Variants in PCDHB8 observed in about 807,000 individuals in gnomAD.
PCDHB8 encodes protocadherin beta 8, also known as protocadherin beta-8.
For missense variants in PCDHB8, 836 were observed against 1,004.0 expected (o/e 0.83, Z 2.26); for synonymous variants, 385 against 448.5 (o/e 0.86, Z 1.79).
In PCDHB8 at chr5:141,178,947, A is replaced by G. The variant is rs3733694; in HGVS notation, c.913A>G (p.Lys305Glu). 0.15 allele frequency: 238,617 copies of G among 1,578,312 alleles called. 21,708 individuals carry two copies. Among genetic ancestry groups the G allele is most frequent in the Middle Eastern group, 0.19 (1,145 of 5,966 alleles). The change falls in exon 1 of 1, where the codon AAG becomes GAG. Residue 305 changes from lysine (K) to glutamate (E), a missense_variant. Physicochemically the swap from Lys to Glu is moderately conservative, Grantham distance 56 (BLOSUM62 1). Transcript: ENST00000239444. ...TTTCTTGACAGGAGAAATTCGACTA[A>G]AGAAACAACTTGATTTCGAAAAATT... is the stretch of plus-strand genomic sequence containing the variant. The part of the protein sequence containing the change: ...VDFLTGEIRL[K>E]KQLDFEKFQS...
In PCDHB8 at chr5:141,178,990, A is replaced by G; in HGVS notation, c.956A>G (p.Asn319Ser). 6.2e-7 allele frequency: 1 copy of G among 1,614,240 alleles called. No homozygotes were observed. The highest frequency in any genetic ancestry group is 8.5e-7 in the Non-Finnish European group (1 of 1,180,046). Residue 319 changes from asparagine (N) to serine (S), a missense_variant, in exon 1 of 1, where the codon AAT becomes AGT. Physicochemically the swap from Asn to Ser is conservative, Grantham distance 46. Coordinates refer to ENST00000239444, the MANE Select transcript of PCDHB8 (RefSeq NM_019120.5). ...GAAAAATTTCAGTCCTATGAAGTCA[A>G]TATCGAGGCGAGAGATGCTGGAGGC... is the stretch of plus-strand genomic sequence containing the variant. ...DFEKFQSYEV[N>S]IEARDAGGFS...
Position 141,178,633 on chromosome 5 carries a change from C to T in PCDHB8, c.599C>T (p.Ala200Val), listed in dbSNP as rs782089048. 6.2e-7 allele frequency: 1 copy of T among 1,613,280 alleles called. No individual in the cohort carries two copies. The highest frequency in any genetic ancestry group is 2.2e-5 in the East Asian group (1 of 44,776). The change falls in exon 1 of 1, where the codon GCG becomes GTG. Residue 200 changes from alanine to valine, a missense_variant. Coordinates refer to ENST00000239444, the MANE Select transcript of PCDHB8 (RefSeq NM_019120.5). ...TACCCAGAGCTGGTGCTGGACAAAG[C>T]GCTGGACCGAGAGGAAGAAGCTGAG... ...RKYPELVLDK[A>V]LDREEEAELR...
chr5:141,179,199 G>T lies in PCDHB8; in HGVS notation c.1165G>T (p.Asp389Tyr). Reference protein sequence around the residue: ...NGKISCSIQEDLPFLLKSSVG... With the variant: ...NGKISCSIQEYLPFLLKSSVG... ...GAAAATAAGTTGCTCCATTCAGGAG[G>T]ATCTACCCTTCCTCCTGAAATCTTC... is the stretch of plus-strand genomic sequence containing the variant. The change falls in exon 1 of 1, where the codon GAT becomes TAT. Residue 389 changes from aspartate (D) to tyrosine (Y), a missense_variant. By Grantham distance (160) the Asp-to-Tyr change is radical (BLOSUM62 -3). Transcript: ENST00000239444. 1 of 1,614,154 alleles carries T rather than the reference G, an allele frequency of 6.2e-7. No homozygotes were observed. The highest frequency in any genetic ancestry group is 8.5e-7 in the Non-Finnish European group (1 of 1,180,052).
At position 141,180,019 on chromosome 5, in the gene PCDHB8, T is replaced by C; in HGVS notation, c.1985T>C (p.Leu662Pro). 6.2e-7 allele frequency: 1 copy of C among 1,609,118 alleles called. No homozygotes were observed. The highest frequency in any genetic ancestry group is 8.5e-7 in the Non-Finnish European group (1 of 1,179,754). The stretch of plus-strand genomic sequence containing the variant: ...TCGGCCACCGCCACGCTGCACGTGC[T>C]CCTGGTGGACGGCTTCTCCCAGCCC... ...PCSATATLHVLLVDGFSQPYL... is the reference protein window; with the variant it reads ...PCSATATLHVPLVDGFSQPYL... Residue 662 changes from leucine (L) to proline (P), a missense_variant, in exon 1 of 1, where the codon CTC becomes CCC. Leu to Pro is a moderately conservative substitution (Grantham distance 98). Coordinates refer to ENST00000239444, the MANE Select transcript of PCDHB8 (RefSeq NM_019120.5).
Position 141,179,966 on chromosome 5 carries a change from G to A in PCDHB8, c.1932G>A (p.Leu644=). 1 of 1,608,682 alleles carries A rather than the reference G, an allele frequency of 6.2e-7. No homozygotes were observed. The highest frequency in any genetic ancestry group is 8.5e-7 in the Non-Finnish European group (1 of 1,179,616). The stretch of plus-strand genomic sequence containing the variant: ...CGGCCAAGCAGAGGCTGGTGGTGCT[G>A]GTCAAGGACAATGGCGAGCCTCCGT... The part of the protein sequence containing the change: ...RDAAKQRLVV[L]VKDNGEPPCS... Residue 644 remains leucine (L), a synonymous_variant, in exon 1 of 1, where the codon CTG becomes CTA. Transcript: ENST00000239444.
chr5:141,179,613 G>C lies in PCDHB8; in HGVS notation c.1579G>C (p.Ala527Pro). ...GTCGCTGGACTACGAGGCCCTGCAGGCGTTCGAGTTCCGGGTGGGCGCTTC... is the reference window on the plus strand; with the variant it reads ...GTCGCTGGACTACGAGGCCCTGCAGCCGTTCGAGTTCCGGGTGGGCGCTTC... ...LRSLDYEALQ[A>P]FEFRVGASDR... The change falls in exon 1 of 1, where the codon GCG becomes CCG. Residue 527 changes from alanine (A) to proline (P), a missense_variant. Physicochemically the swap from Ala to Pro is conservative, Grantham distance 27 (BLOSUM62 -1). Transcript: ENST00000239444. 6.2e-7 allele frequency: 1 copy of C among 1,613,422 alleles called. No homozygotes were observed. The highest frequency in any genetic ancestry group is 8.5e-7 in the Non-Finnish European group (1 of 1,179,916).
rs17844504 is a variant in PCDHB8, at chr5:141,179,991, T to C, written c.1957T>C (p.Cys653Arg). The change falls in exon 1 of 1, where the codon TGC (cysteine) becomes CGC (arginine). Residue 653 changes from cysteine (C) to arginine (R), a missense_variant. Cys to Arg is a radical substitution (Grantham distance 180, BLOSUM62 -3). Transcript: ENST00000239444. ...VLVKDNGEPP[C>R]SATATLHVLL... is the part of the protein sequence containing the mutation. ...GGTCAAGGACAATGGCGAGCCTCCG[T>C]GCTCGGCCACCGCCACGCTGCACGT... The C allele has an allele frequency of 2.5e-3, 3,966 of 1,599,526 alleles. 37 individuals carry two copies. The East Asian group carries it at 0.026, about 10-fold the overall frequency.
In PCDHB8 at chr5:141,178,680, C is replaced by G; in HGVS notation, c.646C>G (p.Leu216Val). Residue 216 changes from leucine (L) to valine (V), a missense_variant, in exon 1 of 1, where the codon CTG (leucine) becomes GTG (valine). Transcript: ENST00000239444. The part of the protein sequence containing the change: ...EAELRLTLTA[L>V]DGGSPPRSGT... ...TGAGCTCAGGTTAACACTCACAGCACTGGATGGTGGCTCTCCGCCCAGATC... is the reference window on the plus strand; with the variant it reads ...TGAGCTCAGGTTAACACTCACAGCAGTGGATGGTGGCTCTCCGCCCAGATC... The G allele has an allele frequency of 6.2e-7, 1 of 1,610,120 alleles. No individual in the cohort carries two copies. The highest frequency in any genetic ancestry group is 8.5e-7 in the Non-Finnish European group (1 of 1,177,862).
rs782092870 is a variant in PCDHB8, at chr5:141,180,107, G to A, written c.2073G>A (p.Leu691=). The change falls in exon 1 of 1, where the codon CTG becomes CTA. Residue 691 remains leucine (L), a synonymous_variant. Transcript: ENST00000239444. Reference sequence around the variant, plus strand: ...AGGCCGACTCTCTCACCGTCTACCTGGTGGTGGCGTTGGCCTCGGTGTCTT... The same window carrying A: ...AGGCCGACTCTCTCACCGTCTACCTAGTGGTGGCGTTGGCCTCGGTGTCTT... The part of the protein sequence containing the change: ...QGQADSLTVY[L]VVALASVSSL... 3 of 1,610,726 alleles carry A rather than the reference G, an allele frequency of 1.9e-6. No individual in the cohort carries two copies. Among genetic ancestry groups the A allele is most frequent in the Non-Finnish European group, 2.5e-6 (3 of 1,179,862 alleles).
At position 141,180,287 on chromosome 5, in the gene PCDHB8, G is replaced by A. The variant is rs370628675; in HGVS notation, c.2253G>A (p.Gln751=). Residue 751 remains glutamine, a synonymous_variant, in exon 1 of 1, where the codon CAG becomes CAA. Coordinates refer to ENST00000239444, the MANE Select transcript of PCDHB8 (RefSeq NM_019120.5). ...RGTGSLSQNY[Q]YEVCLAGGSG... is the part of the protein sequence containing the mutation. ...CCGGGAGCCTGTCTCAGAACTATCA[G>A]TACGAGGTGTGCCTGGCAGGAGGCT... 8 of 1,614,042 alleles carry A rather than the reference G, an allele frequency of 5.0e-6. No individual in the cohort carries two copies. Among genetic ancestry groups the A allele is most frequent in the Non-Finnish European group, 6.8e-6 (8 of 1,179,968 alleles).
Position 141,177,840 on chromosome 5 carries a change from T to A in PCDHB8, c.-195T>A. The stretch of plus-strand genomic sequence containing the variant: ...AACCAGAACCGCAGCTGCAGCTCCA[T>A]TAACCGGCAAAAAGCAGCAGAACCT... On this transcript the variant is annotated 5_prime_UTR_variant, in exon 1 of 1. Coordinates refer to ENST00000239444, the MANE Select transcript of PCDHB8 (RefSeq NM_019120.5). 1.6e-6 allele frequency: 1 copy of A among 622,970 alleles called. No homozygotes were observed. Among genetic ancestry groups the A allele is most frequent in the Non-Finnish European group, 2.8e-6 (1 of 351,834 alleles). 38.6% of individuals were successfully genotyped at this position (622,970 alleles called of 1,614,324 possible). A position where few individuals can be genotyped will look rare whatever the true frequency, so the allele number is the denominator to read the frequency against.
Position 141,179,643 on chromosome 5 carries a change from C to T in PCDHB8, c.1609C>T (p.Arg537Cys), listed in dbSNP as rs782354100. Residue 537 changes from arginine to cysteine, a missense_variant, in exon 1 of 1, where the codon CGC (arginine) becomes TGC (cysteine). Transcript: ENST00000239444. ...CGAGTTCCGGGTGGGCGCTTCAGAC[C>T]GCGGCTCCCCGGCTTTGAGCAGCGA... ...AFEFRVGASD[R>C]GSPALSSEAL... 1.9e-6 allele frequency: 3 copies of T among 1,612,860 alleles called. No individual in the cohort carries two copies. In the South Asian group the frequency reaches 3.3e-5, roughly 18 times the overall value.
In PCDHB8 at chr5:141,180,161, C is replaced by G; in HGVS notation, c.2127C>G (p.Phe709Leu). Residue 709 changes from phenylalanine (F) to leucine (L), a missense_variant, in exon 1 of 1, where the codon TTC becomes TTG. Phe to Leu is a conservative substitution (Grantham distance 22, BLOSUM62 0). Coordinates refer to ENST00000239444, the MANE Select transcript of PCDHB8 (RefSeq NM_019120.5). Reference protein sequence around the residue: ...SSLFLFSVLLFVAVLLCRRSR... With the variant: ...SSLFLFSVLLLVAVLLCRRSR... Reference sequence around the variant, plus strand: ...TCTTCCTCTTCTCGGTGCTCCTGTTCGTGGCGGTGCTGCTGTGTAGGAGGA... The same window carrying G: ...TCTTCCTCTTCTCGGTGCTCCTGTTGGTGGCGGTGCTGCTGTGTAGGAGGA... 3 of 1,612,230 alleles carry G rather than the reference C, an allele frequency of 1.9e-6. No homozygotes were observed. The highest frequency in any genetic ancestry group is 1.1e-5 in the South Asian group (1 of 90,992).
At position 141,179,535 on chromosome 5, in the gene PCDHB8, C is replaced by G. The variant is rs782395247; in HGVS notation, c.1501C>G (p.Leu501Val). 132 of 1,613,538 alleles carry G rather than the reference C, an allele frequency of 8.2e-5. No individual in the cohort carries two copies. The highest frequency in any genetic ancestry group is 1.0e-4 in the Non-Finnish European group (118 of 1,179,914). The change falls in exon 1 of 1, where the codon CTC (leucine) becomes GTC (valine). Residue 501 changes from leucine (L) to valine (V), a missense_variant. By Grantham distance (32) the Leu-to-Val change is conservative (BLOSUM62 1). Transcript: ENST00000239444. The stretch of plus-strand genomic sequence containing the variant: ...GCCGCCCCAGGATCCGCACCTGCCC[C>G]TCGCCTCCCTGGTCTCCATCAACAC... ...LLPPQDPHLPLASLVSINTDN... is the reference protein window; with the variant it reads ...LLPPQDPHLPVASLVSINTDN...
Position 141,180,018 on chromosome 5 carries a change from C to T in PCDHB8, c.1984C>T (p.Leu662Phe). The change falls in exon 1 of 1, where the codon CTC becomes TTC. Residue 662 changes from leucine to phenylalanine, a missense_variant. Leu to Phe is a conservative substitution (Grantham distance 22, BLOSUM62 0). Transcript: ENST00000239444. Reference sequence around the variant, plus strand: ...CTCGGCCACCGCCACGCTGCACGTGCTCCTGGTGGACGGCTTCTCCCAGCC... The same window carrying T: ...CTCGGCCACCGCCACGCTGCACGTGTTCCTGGTGGACGGCTTCTCCCAGCC... ...PCSATATLHVLLVDGFSQPYL... is the reference protein window; with the variant it reads ...PCSATATLHVFLVDGFSQPYL... 2 of 1,609,122 alleles carry T rather than the reference C, an allele frequency of 1.2e-6. No homozygotes were observed. The highest frequency in any genetic ancestry group is 2.2e-5 in the East Asian group (1 of 44,878).
chr5:141,178,726 T>A lies in PCDHB8; in HGVS notation c.692T>A (p.Ile231Asn), dbSNP rs374004216. ...PPRSGTAQVY[I>N]EVVDVNDNAP... ...AGATCTGGCACTGCTCAGGTCTACA[T>A]TGAAGTTGTCGATGTCAATGATAAT... The change falls in exon 1 of 1, where the codon ATT (isoleucine) becomes AAT (asparagine). Residue 231 changes from isoleucine to asparagine, a missense_variant. Ile to Asn is a moderately radical substitution (Grantham distance 149). Coordinates refer to ENST00000239444, the MANE Select transcript of PCDHB8 (RefSeq NM_019120.5). The A allele has an allele frequency of 6.4e-7, 1 of 1,560,348 alleles. No individual in the cohort carries two copies. The highest frequency in any genetic ancestry group is 2.4e-5 in the East Asian group (1 of 42,484).
Position 141,179,924 on chromosome 5 carries a change from G to T in PCDHB8, c.1890G>T (p.Leu630=). 1.2e-6 allele frequency: 2 copies of T among 1,609,008 alleles called. No homozygotes were observed. The highest frequency in any genetic ancestry group is 1.3e-5 in the African/African-American group (1 of 74,982). Residue 630 remains leucine, a synonymous_variant, in exon 1 of 1, where the codon CTG becomes CTT. Coordinates refer to ENST00000239444, the MANE Select transcript of PCDHB8 (RefSeq NM_019120.5). ...AHNGEVRTAR[L]LSERDAAKQR... is the part of the protein sequence containing the mutation. Reference sequence around the variant, plus strand: ...ATGGCGAGGTGCGCACCGCCAGGCTGCTGAGCGAGCGCGACGCGGCCAAGC... The same window carrying T: ...ATGGCGAGGTGCGCACCGCCAGGCTTCTGAGCGAGCGCGACGCGGCCAAGC...
rs782313982 is a variant in PCDHB8, at chr5:141,179,528, C to T, written c.1494C>T (p.His498=). 4.3e-6 allele frequency: 7 copies of T among 1,613,740 alleles called. No individual in the cohort carries two copies. Among genetic ancestry groups the T allele is most frequent in the Non-Finnish European group, 5.9e-6 (7 of 1,180,010 alleles). ...CGCTGCTGCCGCCCCAGGATCCGCA[C>T]CTGCCCCTCGCCTCCCTGGTCTCCA... ...TYSLLPPQDP[H]LPLASLVSIN... Residue 498 remains histidine (H), a synonymous_variant, in exon 1 of 1, where the codon CAC becomes CAT. Coordinates refer to ENST00000239444, the MANE Select transcript of PCDHB8 (RefSeq NM_019120.5).
rs1753454742 is a variant in PCDHB8 at position 141,178,884 on chromosome 5, C to T, written c.850C>T (p.Gln284Ter). ...CGGAGAGATTTCCTATTCACTTTTC[C>T]AAGCTTCAGATGAGATAAGCAAAAC... ...VNGEISYSLF[Q>*]ASDEISKTFK... The change falls in exon 1 of 1, where the codon CAA (glutamine) becomes TAA (stop). Residue 284 changes from glutamine to a stop codon, truncating the protein, a stop_gained. Transcript: ENST00000239444. LOFTEE classifies it low-confidence loss of function (END_TRUNC). 1 of 1,614,254 alleles carries T rather than the reference C, an allele frequency of 6.2e-7. No homozygotes were observed. The highest frequency in any genetic ancestry group is 8.5e-7 in the Non-Finnish European group (1 of 1,180,052).
Sources: allele counts gnomAD v4.1 joint callset, GRCh38; gene constraint gnomAD v4.1.1; transcripts MANE v1.5; gene names NCBI Gene and HGNC (gene_info 2026-07-23, HGNC 2026-07-21).